Variants in PRORP observed in about 807,000 individuals in gnomAD.
The protein encoded by PRORP is protein only RNase P catalytic subunit.
A neutral mutation model predicts 59.4 loss-of-function variants in PRORP; 51 were observed. The ratio of observed to expected loss-of-function variants is 0.86; its 90% CI spans 0.69 to 1.08. PRORP has a LOEUF of 1.08. Among genes scored for constraint, PRORP ranks in the 50% least tolerant of loss-of-function variants. The pLI, the probability that PRORP is intolerant of heterozygous loss-of-function variation, is 0.00. For missense variants in PRORP, 646 were observed against 690.3 expected (o/e 0.94, Z 0.72); for synonymous variants, 231 against 245.6 (o/e 0.94, Z 0.55).
chr14:35,179,185 ATT>A (rs2048533844), intron 4 of PRORP, among the ~76,000 whole-genome samples: 1 of 151,950 alleles, frequency 6.6e-6, no homozygotes, highest in Admixed American at 6.6e-5. Flanking sequence ...TTTTTCCTTC[ATT>A]TCAACTTTAG....
chr14:35,131,245 C>T (rs946080235), intron 4 of PRORP, among the ~76,000 whole-genome samples: 1 of 152,060 alleles, frequency 6.6e-6, no homozygotes, highest in African/African-American at 2.4e-5. Context: ...AGCTGGCCAT[C>T]CTTTTCTTTC....
At chr14:35,269,216 A>G (rs962004531) in intron 6 of PRORP, among the ~76,000 whole-genome samples, 1 of 152,240 alleles carries the variant, frequency 6.6e-6, no homozygotes, top group Non-Finnish European at 1.5e-5. Flanking sequence ...ATATGTGTAA[A>G]TAACTCATGT....
At chr14:35,270,348 TC>T in intron 6 of PRORP, 52 bp from the exon 7 acceptor site, 1 of 1,545,520 alleles carries the variant, frequency 6.5e-7, no homozygotes, top group Non-Finnish European at 8.9e-7. Context: ...AAAAACACTG[TC>T]CTCTGCCTCT....
chr14:35,245,496 T>A (rs977281372), intron 5 of PRORP, among the ~76,000 whole-genome samples: 3 of 151,980 alleles, frequency 2.0e-5, no homozygotes, highest in East Asian at 1.9e-4. Context: ...ATACAAAAAA[T>A]TAGCTAGGTG....
chr14:35,262,218 C>T (rs2050924519), intron 5 of PRORP, among the ~76,000 whole-genome samples: 1 of 151,750 alleles, frequency 6.6e-6, no homozygotes, highest in East Asian at 1.9e-4. Flanking sequence ...TGCTGTGTTG[C>T]CCAGGCTGGT....
chr14:35,206,255 C>T (rs1476196266), intron 5 of PRORP, among the ~76,000 whole-genome samples: 1 of 152,108 alleles, frequency 6.6e-6, no homozygotes, highest in Non-Finnish European at 1.5e-5. Flanking sequence ...TTTTTCATAT[C>T]CCTGAATCCT....
intron 4 of PRORP, among the ~76,000 whole-genome samples, chr14:35,138,177 G>A (rs1487136620): frequency 6.9e-6 from 1 of 144,938 alleles, no homozygotes; most frequent in African/African-American, 2.4e-5. Flanking sequence ...TATCATCTTT[G>A]TATGTACAAA....
chr14:35,191,749 G>A (rs568984475), intron 5 of PRORP, among the ~76,000 whole-genome samples: 2 of 152,168 alleles, frequency 1.3e-5, no homozygotes, highest in Admixed American at 6.5e-5. Context: ...AACAAAAACT[G>A]GGGTGGGTAA....
At chr14:35,182,292 T>G (rs2048632361) in intron 5 of PRORP, among the ~76,000 whole-genome samples, 1 of 151,916 alleles carries the variant, frequency 6.6e-6, no homozygotes, top group African/African-American at 2.4e-5. Context: ...ATAAAATGTT[T>G]ACAATATGTG....
intron 5 of PRORP, among the ~76,000 whole-genome samples, chr14:35,197,092 A>C (rs943847183): frequency 2.6e-5 from 4 of 152,184 alleles, no homozygotes; most frequent in African/African-American, 9.6e-5. Flanking sequence ...AGCATTAAAA[A>C]CACTGTGTTG....
chr14:35,144,850 T>C (rs1305318287), intron 4 of PRORP, among the ~76,000 whole-genome samples: 1 of 146,220 alleles, frequency 6.8e-6, no homozygotes, highest in Non-Finnish European at 1.5e-5. Flanking sequence ...TTCTTTCTAT[T>C]GTAAAAGTTC....
chr14:35,126,660 C>A, intron 2 of PRORP, 75 bp from the exon 3 acceptor site: 1 of 1,165,644 alleles, frequency 8.6e-7, no homozygotes, highest in South Asian at 1.4e-5. Context: ...ATAAGAGTTT[C>A]CAAATACCAT....
At chr14:35,202,673 A>G (rs1209696579) in intron 5 of PRORP, among the ~76,000 whole-genome samples, 2 of 152,150 alleles carry the variant, frequency 1.3e-5, no homozygotes, top group African/African-American at 2.4e-5. Context: ...TCTATCACCC[A>G]GGCTGGAGTA....
chr14:35,229,940 G>T (rs572363297), intron 5 of PRORP, among the ~76,000 whole-genome samples: 1 of 151,566 alleles, frequency 6.6e-6, no homozygotes, highest in East Asian at 1.9e-4. Context: ...AGAGGGCAGT[G>T]ATTAGAAACT....
intron 5 of PRORP, among the ~76,000 whole-genome samples, chr14:35,203,565 C>T (rs866588334): frequency 2.6e-5 from 4 of 152,066 alleles, no homozygotes; most frequent in African/African-American, 9.7e-5. Flanking sequence ...AGATTTTAGT[C>T]TAAAGATATT....
intron 4 of PRORP, among the ~76,000 whole-genome samples, chr14:35,152,077 C>CG (rs1410840288): frequency 2.6e-5 from 4 of 152,072 alleles, no homozygotes; most frequent in Non-Finnish European, 4.4e-5. Flanking sequence ...GAGGACCCTG[C>CG]GGCCCTCCGC....
At chr14:35,153,203 C>T (rs1425678641) in intron 4 of PRORP, among the ~76,000 whole-genome samples, 1 of 152,238 alleles carries the variant, frequency 6.6e-6, no homozygotes, top group Non-Finnish European at 1.5e-5. Flanking sequence ...GCCCGGCCAA[C>T]ACAGCGAAAC....
rs1445550352 is a variant in PRORP at position 35,141,334 on chromosome 14, C to A, written c.1167+13723C>A. Among the ~76,000 whole-genome samples, 2 of 144,204 alleles carry A rather than the reference C, an allele frequency of 1.4e-5. 1 individual carries two copies. The highest frequency in any genetic ancestry group is 4.7e-4 in the East Asian group (2 of 4,270). 94.6% of individuals were successfully genotyped at this position (144,204 alleles called of 152,430 possible). ...GGAATACAGTGGCATGATCATAACT[C>A]ACTGCAGCCTTGAACTCCTGGGCTG... On this transcript the variant is annotated intron_variant, in intron 4 of 7. Coordinates refer to ENST00000534898, the MANE Select transcript of PRORP (RefSeq NM_014672.4).
intron 5 of PRORP, among the ~76,000 whole-genome samples, chr14:35,244,639 C>T (rs746152952): frequency 2.0e-5 from 3 of 151,878 alleles, no homozygotes; most frequent in African/African-American, 4.8e-5. Context: ...TCTGTGTGTG[C>T]GCGCATAAAA....
Sources: allele counts gnomAD v4.1 joint callset (sites outside exome capture counted in the v4.1 genomes callset), GRCh38; gene constraint gnomAD v4.1.1; transcripts MANE v1.5; gene names NCBI Gene and HGNC (gene_info 2026-07-23, HGNC 2026-07-21).